RNF6: variants seen among roughly 807,000 people sequenced by gnomAD.
RNF6 encodes the protein ring finger protein 6.
RNF6 carries 21 observed loss-of-function variants against 50.1 expected under a neutral mutation model. That is an observed-to-expected ratio of 0.42 (90% confidence interval 0.30 to 0.60). RNF6 has a LOEUF of 0.60. RNF6 is among the 20% of genes least tolerant of loss of function. The pLI is 0.20. For synonymous variants in RNF6, 255 were observed against 291.8 expected, an observed-to-expected ratio of 0.87 and a Z score of 1.29; for missense variants, 698 against 838.2, an observed-to-expected ratio of 0.83 and a Z score of 2.07.
intron 5 of RNF6, among the ~76,000 whole-genome samples, chr13:26,188,807 T>C (rs1039172999): frequency 6.6e-6 from 1 of 151,718 alleles, no homozygotes; most frequent in African/African-American, 2.4e-5. Context: ...TTTTTGTATT[T>C]TTAGTAGAGA....
chr13:26,146,970 T>C (rs529025735), intron 5 of RNF6, among the ~76,000 whole-genome samples: 2 of 152,266 alleles, frequency 1.3e-5, no homozygotes, highest in African/African-American at 2.4e-5. Context: ...CCTAAGGTCT[T>C]ACCAGCCATG....
At chr13:26,183,673 A>C (rs1873346497) in intron 5 of RNF6, among the ~76,000 whole-genome samples, 1 of 152,102 alleles carries the variant, frequency 6.6e-6, no homozygotes, top group Admixed American at 6.6e-5. Flanking sequence ...ATGCAGTAAA[A>C]AATAGTTTTG....
intron 5 of RNF6, among the ~76,000 whole-genome samples, chr13:26,135,770 G>A (rs1870616941): frequency 6.6e-6 from 1 of 152,094 alleles, no homozygotes; most frequent in Non-Finnish European, 1.5e-5. Flanking sequence ...TTTGCATCAT[G>A]GGGGTGGATC....
intron 5 of RNF6, among the ~76,000 whole-genome samples, chr13:26,172,096 A>G (rs1449944595): frequency 6.6e-6 from 1 of 152,258 alleles, no homozygotes; most frequent in Non-Finnish European, 1.5e-5. Flanking sequence ...AATAAGATAT[A>G]TAACTGATAT....
intron 5 of RNF6, among the ~76,000 whole-genome samples, chr13:26,146,219 G>T (rs1871235104): frequency 6.6e-6 from 1 of 152,176 alleles, no homozygotes; most frequent in African/African-American, 2.4e-5. Flanking sequence ...CAGTATACTG[G>T]GTCCTTTCTC....
At chr13:26,163,692 G>T (rs1872319544) in intron 5 of RNF6, among the ~76,000 whole-genome samples, 1 of 152,108 alleles carries the variant, frequency 6.6e-6, no homozygotes, top group African/African-American at 2.4e-5. Flanking sequence ...TAGGTAATCT[G>T]AGATCCCTCC....
At chr13:26,166,063 G>A (rs766296135) in intron 5 of RNF6, among the ~76,000 whole-genome samples, 23 of 152,210 alleles carry the variant, frequency 1.5e-4, no homozygotes, top group Admixed American at 2.6e-4. Flanking sequence ...GGAGGGACCC[G>A]GTGAGAGGTA....
chr13:26,164,148 G>T (rs1257010598), intron 5 of RNF6, among the ~76,000 whole-genome samples: 9 of 152,132 alleles, frequency 5.9e-5, no homozygotes, highest in Admixed American at 3.9e-4. Context: ...AGCTAATTAA[G>T]TATGGGTTTC....
At chr13:26,149,540 T>C (rs1264928551) in intron 5 of RNF6, among the ~76,000 whole-genome samples, 1 of 151,620 alleles carries the variant, frequency 6.6e-6, no homozygotes, top group East Asian at 1.9e-4. Flanking sequence ...TGAGCCGAAA[T>C]TGTGCCACTG....
In RNF6 at chr13:26,145,250, T is replaced by C. The variant is rs532353034; in HGVS notation, n.769-12799A>G. On this transcript the variant is annotated intron_variant and non_coding_transcript_variant, in intron 5 of 5. Transcript: ENST00000468480. ...GTGGAGTCACCACCTAGTTAAGCTA[T>C]GATAAGCCGCTGTTATTCTCCAAGA... is the stretch of plus-strand genomic sequence containing the variant. Among the ~76,000 whole-genome samples the C allele has an allele frequency of 6.7e-4, 102 of 152,348 alleles. 1 individual carries two copies. Among genetic ancestry groups the C allele is most frequent in the Middle Eastern group, 3.4e-3 (1 of 294 alleles).
intron 5 of RNF6, among the ~76,000 whole-genome samples, chr13:26,184,969 T>C (rs561020865): frequency 2.6e-5 from 4 of 151,220 alleles, no homozygotes; most frequent in African/African-American, 9.8e-5. Context: ...TTAGAACTTG[T>C]AGGTATTGTT....
chr13:26,213,694 C>A lies in RNF6; in HGVS notation c.*130G>T, dbSNP rs557296912. On this transcript the variant is annotated 3_prime_UTR_variant, in exon 5 of 5. Coordinates refer to ENST00000381588, the MANE Select transcript of RNF6 (RefSeq NM_005977.4). ...TTTTTAACAAGTTTAAAAAAGCACACGAAAAATAGTTCAAACTATATATAA... is the reference window on the plus strand; with the variant it reads ...TTTTTAACAAGTTTAAAAAAGCACAAGAAAAATAGTTCAAACTATATATAA... The A allele has an allele frequency of 1.3e-5, 8 of 596,202 alleles. No homozygotes were observed. Among genetic ancestry groups the A allele is most frequent in the African/African-American group, 1.3e-4 (7 of 52,186 alleles). The allele number at this position is 596,202 out of a possible 1,614,324, so 36.9% of individuals were successfully genotyped here.
chr13:26,181,316 G>A (rs928711214), intron 5 of RNF6, among the ~76,000 whole-genome samples: 2 of 152,198 alleles, frequency 1.3e-5, no homozygotes, highest in Admixed American at 1.3e-4. Flanking sequence ...GAATGGTTGG[G>A]AACACCAAGA....
At chr13:26,139,730 G>C (rs1870836872) in intron 5 of RNF6, among the ~76,000 whole-genome samples, 1 of 152,098 alleles carries the variant, frequency 6.6e-6, no homozygotes, top group African/African-American at 2.4e-5. Context: ...TTTTAATAAA[G>C]TTTTATTATA....
At chr13:26,182,314 G>A (rs1423811714) in intron 5 of RNF6, among the ~76,000 whole-genome samples, 1 of 152,158 alleles carries the variant, frequency 6.6e-6, no homozygotes, top group East Asian at 1.9e-4. Context: ...TTTAAAGAAT[G>A]TCCCTTATTT....
intron 5 of RNF6, among the ~76,000 whole-genome samples, chr13:26,186,318 G>C (rs1019770625): frequency 6.6e-6 from 1 of 152,270 alleles, no homozygotes; most frequent in South Asian, 2.1e-4. Context: ...GGAGCTTTGA[G>C]CAGTTAAAAA....
intron 5 of RNF6, among the ~76,000 whole-genome samples, chr13:26,155,350 T>C (rs1871857894): frequency 6.6e-6 from 1 of 151,990 alleles, no homozygotes; most frequent in African/African-American, 2.4e-5. Flanking sequence ...ACCCCCATGG[T>C]ATGTTTCTTT....
intron 5 of RNF6, among the ~76,000 whole-genome samples, chr13:26,159,786 T>G (rs1041037951): frequency 6.6e-6 from 1 of 152,070 alleles, no homozygotes; most frequent in African/African-American, 2.4e-5. Context: ...ACTCCAAAAT[T>G]TGGTAAAGCA....
At chr13:26,193,472 G>T (rs1372105053) in intron 5 of RNF6, among the ~76,000 whole-genome samples, 1 of 152,244 alleles carries the variant, frequency 6.6e-6, no homozygotes, top group African/African-American at 2.4e-5. Context: ...AAAGGATTTA[G>T]AAACCTGGTA....
Sources: allele counts gnomAD v4.1 joint callset (sites outside exome capture counted in the v4.1 genomes callset), GRCh38; gene constraint gnomAD v4.1.1; transcripts MANE v1.5; gene names NCBI Gene and HGNC (gene_info 2026-07-23, HGNC 2026-07-21).